The following SMAD9 variants were observed in gnomAD, a reference collection of about 807,000 sequenced individuals.
SMAD9 encodes MAD homolog 9.
In SMAD9, 36 loss-of-function variants were observed where a neutral mutation model predicts 46.1. That is an observed-to-expected ratio of 0.78 (90% CI 0.60 to 1.03). SMAD9 has a LOEUF of 1.03. SMAD9 is among the 50% of genes least tolerant of loss of function. The pLI, the probability that SMAD9 is intolerant of heterozygous loss-of-function variation, is 0.00. For synonymous variants in SMAD9, 245 were observed against 237.1 expected, an observed-to-expected ratio of 1.03 and a Z score of -0.31; for missense variants, 572 against 599.8, an observed-to-expected ratio of 0.95 and a Z score of 0.48.
In SMAD9 at chr13:36,872,841, C is replaced by T. The variant is rs61753157; in HGVS notation, c.487G>A (p.Ala163Thr). ...QLSLLAKFRS[A>T]SLHSEPLMPH... ...ATGAGTGGCTCACTGTGCAGGGAGG[C>T]GCTGCGGAACTTGGCCAGGAGGCTG... Residue 163 changes from alanine to threonine, a missense_variant, in exon 3 of 7, where the codon GCC becomes ACC. Coordinates refer to ENST00000379826, the MANE Select transcript of SMAD9 (RefSeq NM_001127217.3). 4,095 of 1,613,992 alleles carry T rather than the reference C, an allele frequency of 2.5e-3. 7 individuals are homozygous for T. The highest frequency in any genetic ancestry group is 3.2e-3 in the Non-Finnish European group (3,755 of 1,180,004).
At chr13:36,888,686 C>T (rs535759034) in intron 1 of SMAD9, among the ~76,000 whole-genome samples, 37 of 152,214 alleles carry the variant, frequency 2.4e-4, no homozygotes, top group Non-Finnish European at 3.8e-4. Context: ...GCGGTGCTCT[C>T]AAGTGGGAAA....
At chr13:36,898,961 G>A (rs751949198) in intron 1 of SMAD9, among the ~76,000 whole-genome samples, 6 of 152,006 alleles carry the variant, frequency 3.9e-5, no homozygotes, top group Non-Finnish European at 5.9e-5. Flanking sequence ...ATAAAGATTA[G>A]AAATGAAAAA....
chr13:36,897,460 C>CT (rs1252835081), intron 1 of SMAD9, among the ~76,000 whole-genome samples: 2 of 152,126 alleles, frequency 1.3e-5, no homozygotes, highest in Admixed American at 1.3e-4. Flanking sequence ...TGGCAAAGCC[C>CT]TTTCTGCTTA....
chr13:36,868,404 G>A (rs2058256243), intron 3 of SMAD9, among the ~76,000 whole-genome samples: 1 of 152,176 alleles, frequency 6.6e-6, no homozygotes, highest in Non-Finnish European at 1.5e-5. Context: ...AAGGCAAGAT[G>A]ACCTTTTTGT....
At chr13:36,910,445 A>C (rs1359411120) in intron 1 of SMAD9, among the ~76,000 whole-genome samples, 1 of 152,106 alleles carries the variant, frequency 6.6e-6, no homozygotes, top group Non-Finnish European at 1.5e-5. Context: ...ACCAAGAGTG[A>C]ATCTCCCAAA....
chr13:36,853,804 T>C lies in SMAD9; in HGVS notation c.1004-129A>G, dbSNP rs1403760205. On this transcript the variant is annotated intron_variant, in intron 5 of 6. Coordinates refer to ENST00000379826, the MANE Select transcript of SMAD9 (RefSeq NM_001127217.3). ...CAGATCACTGATCAGATGAATGAGA[T>C]GTGTGACCTAAATGCCGCTTAGTTT... is the stretch of plus-strand genomic sequence containing the variant. 1.1e-5 allele frequency: 10 copies of C among 900,068 alleles called. No individual in the cohort carries two copies. In the East Asian group the frequency reaches 1.7e-4, roughly 16 times the overall value. 55.8% of individuals were successfully genotyped at this position (900,068 alleles called of 1,614,324 possible).
At chr13:36,893,389 C>CATATATATATATATATATAAATATATAT (rs538703517) in intron 1 of SMAD9, among the ~76,000 whole-genome samples, 5 of 146,294 alleles carry the variant, frequency 3.4e-5, no homozygotes, top group South Asian at 4.3e-4. Context: ...AACTATTGTA[C>CATATATATATATATATATAAATATATAT]ATATATATAT....
intron 5 of SMAD9, among the ~76,000 whole-genome samples, chr13:36,860,146 T>C (rs1443307839): frequency 6.6e-6 from 1 of 152,140 alleles, no homozygotes; most frequent in African/African-American, 2.4e-5. Context: ...AACCTTCTTT[T>C]GGGGTCTGGG....
At chr13:36,860,512 C>T (rs975527562) in intron 5 of SMAD9, among the ~76,000 whole-genome samples, 2 of 150,042 alleles carry the variant, frequency 1.3e-5, no homozygotes, top group African/African-American at 2.5e-5. Flanking sequence ...TGCAGTGGCA[C>T]CAACTCGGCT....
chr13:36,873,561 C>T (rs573615498), intron 2 of SMAD9, among the ~76,000 whole-genome samples: 11 of 152,234 alleles, frequency 7.2e-5, no homozygotes, highest in Middle Eastern at 3.4e-3. Flanking sequence ...ATAAAAGTGA[C>T]TAAGTAAAAG....
In SMAD9 at chr13:36,899,065, G is replaced by A. The variant is rs141112651; in HGVS notation, c.-186-19190C>T. On this transcript the variant is annotated intron_variant, in intron 1 of 6. Transcript: ENST00000379826. ...TTGAAAAAACTGTTGAAACTAATTA[G>A]TGAATTTAGCAATTGCAGGATACAA... Among the ~76,000 whole-genome samples the A allele has an allele frequency of 4.9e-3, 743 of 152,106 alleles. 5 individuals carry two copies. The highest frequency in any genetic ancestry group is 0.017 in the African/African-American group (714 of 41,464).
chr13:36,863,178 A>T (rs1566017498), intron 5 of SMAD9, among the ~76,000 whole-genome samples: 1 of 152,214 alleles, frequency 6.6e-6, no homozygotes, highest in Non-Finnish European at 1.5e-5. Flanking sequence ...AACCCATGGC[A>T]GCATCTGAGA....
chr13:36,875,821 C>G (rs1017700988), intron 2 of SMAD9, among the ~76,000 whole-genome samples: 11 of 152,112 alleles, frequency 7.2e-5, no homozygotes, highest in Non-Finnish European at 1.2e-4. Flanking sequence ...ACTTCTATTT[C>G]TTCATGGCCT....
chr13:36,919,329 C>G (rs1199476075), intron 1 of SMAD9, among the ~76,000 whole-genome samples: 3 of 152,190 alleles, frequency 2.0e-5, no homozygotes, highest in Non-Finnish European at 2.9e-5. Flanking sequence ...TCTCCTGTAT[C>G]TGCTTCCCAC....
In SMAD9 at chr13:36,854,563, C is replaced by A. The variant is rs537625364; in HGVS notation, c.1004-888G>T. Among the ~76,000 whole-genome samples, 6 of 152,174 alleles carry A rather than the reference C, an allele frequency of 3.9e-5. No homozygotes were observed. In the South Asian group the frequency reaches 1.2e-3, roughly 32 times the overall value. ...TTGTTTTTTAGTAGAGACGGGGTTT[C>A]ACCATGTTGGCCAGGCCAGGCTAGT... On this transcript the variant is annotated intron_variant, in intron 5 of 6. Coordinates refer to ENST00000379826, the MANE Select transcript of SMAD9 (RefSeq NM_001127217.3).
At chr13:36,865,780 A>T in intron 4 of SMAD9, 22 bp from the exon 5 acceptor site, 1 of 1,578,408 alleles carries the variant, frequency 6.3e-7, no homozygotes, top group Non-Finnish European at 8.7e-7. Flanking sequence ...CAAACCAGAG[A>T]ACACATGGCT....
intron 1 of SMAD9, among the ~76,000 whole-genome samples, chr13:36,902,628 T>G (rs1240910519): frequency 6.6e-6 from 1 of 152,026 alleles, no homozygotes; most frequent in African/African-American, 2.4e-5. Flanking sequence ...TAATTTTTTT[T>G]TGTATTTTTA....
chr13:36,852,041 T>C (rs2058079023), intron 6 of SMAD9: 12 of 974,022 alleles, frequency 1.2e-5, no homozygotes, highest in Non-Finnish European at 1.3e-5. Flanking sequence ...TTGAAAAGAT[T>C]TCGAAGTTAT....
chr13:36,907,877 T>C (rs1566041087), intron 1 of SMAD9, among the ~76,000 whole-genome samples: 1 of 152,184 alleles, frequency 6.6e-6, no homozygotes, highest in Non-Finnish European at 1.5e-5. Context: ...GTGCCATCGG[T>C]ACCTGGAAGC....
Sources: allele counts gnomAD v4.1 joint callset (sites outside exome capture counted in the v4.1 genomes callset), GRCh38; gene constraint gnomAD v4.1.1; transcripts MANE v1.5; gene names NCBI Gene and HGNC (gene_info 2026-07-23, HGNC 2026-07-21).